The following EXT1 variants were observed in gnomAD, a reference collection of about 807,000 sequenced individuals.
EXT1 encodes exostosin-1.
EXT1 carries 20 observed loss-of-function variants against 82.5 expected under a neutral mutation model. That is an observed-to-expected ratio of 0.24 (90% CI 0.17 to 0.35). The LOEUF is 0.35. Among genes scored for constraint, EXT1 ranks in the 10% least tolerant of loss-of-function variants. The pLI is 1.00. For synonymous variants in EXT1, 348 were observed against 350.8 expected (o/e 0.99, Z 0.09); for missense variants, 757 against 936.5 (o/e 0.81, Z 2.50).
In EXT1 at chr8:117,946,302, T is replaced by C. The variant is rs148639109; in HGVS notation, c.963-109101A>G. Among the ~76,000 whole-genome samples, 217 of 152,344 alleles carry C rather than the reference T, an allele frequency of 1.4e-3. 1 individual carries two copies. The highest frequency in any genetic ancestry group is 5.0e-3 in the African/African-American group (209 of 41,586). On this transcript the variant is annotated intron_variant, in intron 1 of 10. Coordinates refer to ENST00000378204, the MANE Select transcript of EXT1 (RefSeq NM_000127.3). ...ATCTGCATTTGCTAATGAGGCATAT[T>C]TGACTGTGTCTAACTCAGTTTTCCC...
intron 1 of EXT1, among the ~76,000 whole-genome samples, chr8:118,081,353 TAAG>T (rs969136738): frequency 2.6e-4 from 39 of 152,210 alleles, no homozygotes; most frequent in African/African-American, 8.7e-4. Flanking sequence ...ACTTTTGCAA[TAAG>T]AAGGTTTCAA....
chr8:118,035,482 C>A (rs1816402443), intron 1 of EXT1, among the ~76,000 whole-genome samples: 1 of 151,836 alleles, frequency 6.6e-6, no homozygotes, highest in Non-Finnish European at 1.5e-5. Context: ...TCATTTCTTT[C>A]TAATGTATAA....
chr8:118,060,738 A>T (rs1816868598), intron 1 of EXT1, among the ~76,000 whole-genome samples: 1 of 152,220 alleles, frequency 6.6e-6, no homozygotes, highest in Non-Finnish European at 1.5e-5. Context: ...TACCTTAAGC[A>T]ATTAGGGCTG....
intron 1 of EXT1, among the ~76,000 whole-genome samples, chr8:117,925,219 C>A (rs1159337709): frequency 6.6e-6 from 1 of 152,090 alleles, no homozygotes; most frequent in Non-Finnish European, 1.5e-5. Context: ...TATGGCTTTC[C>A]TCATATGACA....
intron 1 of EXT1, among the ~76,000 whole-genome samples, chr8:117,854,124 C>G (rs777878635): frequency 6.6e-6 from 1 of 152,198 alleles, no homozygotes; most frequent in Non-Finnish European, 1.5e-5. Context: ...GGTGACAAGT[C>G]CTTCCCATTG....
intron 1 of EXT1, among the ~76,000 whole-genome samples, chr8:118,102,057 A>G (rs1291910113): frequency 1.3e-5 from 2 of 152,134 alleles, no homozygotes; most frequent in Non-Finnish European, 1.5e-5. Context: ...ACCTCAGATC[A>G]GGAATTCAAG....
chr8:118,020,216 C>A (rs1284400870), intron 1 of EXT1, among the ~76,000 whole-genome samples: 1 of 152,184 alleles, frequency 6.6e-6, no homozygotes, highest in African/African-American at 2.4e-5. Flanking sequence ...ATGCAATCGA[C>A]CCATCTGGCC....
chr8:117,937,046 T>C (rs1814178400), intron 1 of EXT1, among the ~76,000 whole-genome samples: 1 of 152,186 alleles, frequency 6.6e-6, no homozygotes, highest in Non-Finnish European at 1.5e-5. Flanking sequence ...CTTCCATCTC[T>C]ACATCCCTTC....
At chr8:117,838,404 C>T (rs183884506) in intron 1 of EXT1, among the ~76,000 whole-genome samples, 7 of 152,106 alleles carry the variant, frequency 4.6e-5, no homozygotes, top group East Asian at 1.9e-4. Flanking sequence ...ACTAGGCATA[C>T]GGGAGTAAGC....
intron 1 of EXT1, among the ~76,000 whole-genome samples, chr8:117,984,462 CAAAGA>C (rs899108992): frequency 9.4e-5 from 13 of 138,266 alleles, no homozygotes; most frequent in South Asian, 2.4e-4. Context: ...AAAAAAAAAA[CAAAGA>C]AAAGAAAAGA....
intron 1 of EXT1, among the ~76,000 whole-genome samples, chr8:118,085,629 C>A (rs1003982785): frequency 6.6e-6 from 1 of 151,678 alleles, no homozygotes; most frequent in African/African-American, 2.4e-5. Flanking sequence ...TTACTGCAAA[C>A]TTTAAGGGAA....
chr8:118,057,786 C>A (rs914266111), intron 1 of EXT1, among the ~76,000 whole-genome samples: 1 of 151,794 alleles, frequency 6.6e-6, no homozygotes, highest in African/African-American at 2.4e-5. Flanking sequence ...CCATCATGGC[C>A]AACATGGTGA....
At chr8:117,810,528 T>C (rs143297846) in intron 8 of EXT1, among the ~76,000 whole-genome samples, 1 of 152,334 alleles carries the variant, frequency 6.6e-6, no homozygotes, top group Non-Finnish European at 1.5e-5. Flanking sequence ...TTCACCAGCA[T>C]GAGGATGCAT....
At chr8:118,056,049 A>G (rs187438580) in intron 1 of EXT1, among the ~76,000 whole-genome samples, 1 of 151,966 alleles carries the variant, frequency 6.6e-6, no homozygotes, top group African/African-American at 2.4e-5. Flanking sequence ...AAAATACATT[A>G]ACACTTGTGA....
At chr8:118,032,210 T>C (rs1799929257) in intron 1 of EXT1, among the ~76,000 whole-genome samples, 1 of 151,046 alleles carries the variant, frequency 6.6e-6, no homozygotes, top group African/African-American at 2.4e-5. Context: ...TTTAATGCAG[T>C]GACCCTCAAT....
chr8:117,927,136 T>C (rs1813967521), intron 1 of EXT1, among the ~76,000 whole-genome samples: 1 of 152,198 alleles, frequency 6.6e-6, no homozygotes, highest in South Asian at 2.1e-4. Flanking sequence ...TTACAAACAC[T>C]GCAAGTCTGT....
rs540682388 is a variant in EXT1, at chr8:118,000,949, G to C, written c.962+109136C>G. Among the ~76,000 whole-genome samples, 3 of 152,204 alleles carry C rather than the reference G, an allele frequency of 2.0e-5. No individual in the cohort carries two copies. The East Asian group carries it at 5.8e-4, about 29-fold the overall frequency. On this transcript the variant is annotated intron_variant, in intron 1 of 10. Transcript: ENST00000378204. ...TATGCTAGACGAGGAGAGCTGAAAA[G>C]ATAGATTAAGAGAAAAATAATTCCC... is the stretch of plus-strand genomic sequence containing the variant.
chr8:117,979,080 C>G (rs758034622), intron 1 of EXT1, among the ~76,000 whole-genome samples: 2 of 152,104 alleles, frequency 1.3e-5, no homozygotes, highest in East Asian at 3.9e-4. Flanking sequence ...CTCGGCCAGG[C>G]ACGGTGGCTC....
chr8:117,819,708 C>T lies in EXT1; in HGVS notation c.1504G>A (p.Val502Met), dbSNP rs778048374. Residue 502 changes from valine (V) to methionine (M), a missense_variant, in exon 6 of 11, where the codon GTG (valine) becomes ATG (methionine). By Grantham distance (21) the Val-to-Met change is conservative. Coordinates refer to ENST00000378204, the MANE Select transcript of EXT1 (RefSeq NM_000127.3). The part of the protein sequence containing the change: ...SQSQPVLKLL[V>M]AAAKSQYCAQ... ...CAGTACTGGGACTTGGCTGCAGCCA[C>T]GAGAAGCTTCAACACTGGCTGGGAC... 15 of 1,612,648 alleles carry T rather than the reference C, an allele frequency of 9.3e-6. No individual in the cohort carries two copies. The highest frequency in any genetic ancestry group is 1.3e-5 in the African/African-American group (1 of 74,846).
Sources: gnomAD v4.1 joint callset for allele counts (sites outside exome capture counted in the v4.1 genomes callset) on GRCh38, gnomAD v4.1.1 for gene constraint, MANE v1.5 for transcripts, NCBI Gene and HGNC (gene_info 2026-07-23, HGNC 2026-07-21) for gene names.